The following RELL1 variants were observed in gnomAD, a reference collection of about 807,000 sequenced individuals.
RELL1 encodes RELT-like protein 1.
In RELL1, 10 loss-of-function variants were observed where a neutral mutation model predicts 23.0. The ratio of observed to expected loss-of-function variants is 0.43; its 90% CI spans 0.27 to 0.74. The LOEUF (loss-of-function observed/expected upper bound fraction) is 0.74. Among genes scored for constraint, RELL1 ranks in the 30% least tolerant of loss-of-function variants. The pLI, the probability that RELL1 is intolerant of heterozygous loss-of-function variation, is 0.19. For synonymous variants in RELL1, 146 were observed against 146.8 expected (o/e 0.99, Z 0.04); for missense variants, 315 against 364.4 (o/e 0.86, Z 1.10).
rs544148276 is a variant in RELL1, at chr4:37,620,550, T to C, written c.*4-7208A>G. Among the ~76,000 whole-genome samples, 7 of 152,362 alleles carry C rather than the reference T, an allele frequency of 4.6e-5. No homozygotes were observed. In the South Asian group the frequency reaches 1.4e-3, roughly 32 times the overall value. ...CAGTTCCCTACTAGTCTCAACACAC[T>C]TCTGATTTAATGTCTACACTAAGCT... On this transcript the variant is annotated intron_variant, in intron 6 of 6. Transcript: ENST00000454158.
In RELL1 at chr4:37,612,441, G is replaced by T. The variant is rs764582342; in HGVS notation, c.*905C>A. Among the ~76,000 whole-genome samples, 57 of 151,560 alleles carry T rather than the reference G, an allele frequency of 3.8e-4. No individual in the cohort carries two copies. The highest frequency in any genetic ancestry group is 6.0e-4 in the Non-Finnish European group (41 of 67,926). On this transcript the variant is annotated 3_prime_UTR_variant, in exon 7 of 7. Transcript: ENST00000454158. Reference sequence around the variant, plus strand: ...GCCTGAGGTCAGGAGTTCAAGACCAGCCTGACCAATATAGTGATACCCCGT... The same window carrying T: ...GCCTGAGGTCAGGAGTTCAAGACCATCCTGACCAATATAGTGATACCCCGT...
downstream of RELL1, among the ~76,000 whole-genome samples, chr4:37,589,578 A>G (rs1170511856): frequency 6.6e-6 from 1 of 151,832 alleles, no homozygotes; most frequent in East Asian, 1.9e-4. Flanking sequence ...ATTTTACTTC[A>G]CCCCTTACCC....
At chr4:37,600,956 T>G (rs1252624844) in intron 6 of RELL1, among the ~76,000 whole-genome samples, 1 of 152,234 alleles carries the variant, frequency 6.6e-6, no homozygotes, top group Non-Finnish European at 1.5e-5. Context: ...TAAATTGAGT[T>G]ACTTTTAAAC....
intron 6 of RELL1, 88 bp downstream of exon 6, chr4:37,631,297 T>C (rs1720119552): frequency 1.4e-6 from 2 of 1,419,664 alleles, no homozygotes; most frequent in South Asian, 1.4e-5. Flanking sequence ...ATACCATTCC[T>C]ATGCTGCCAC....
At position 37,672,536 on chromosome 4, in the gene RELL1, TG is replaced by T. The variant is rs1174851924; in HGVS notation, c.88+13663del. On this transcript the variant is annotated intron_variant, in intron 1 of 6. Transcript: ENST00000454158. ...AGATCAACCTTCTCAATCACAGGTTTGTGGCGGCAACAGATCAACTACCATA... is the reference window on the plus strand; with the variant it reads ...AGATCAACCTTCTCAATCACAGGTTTTGGCGGCAACAGATCAACTACCATA... Among the ~76,000 whole-genome samples the T allele has an allele frequency of 7.2e-5, 11 of 152,196 alleles. No homozygotes were observed. The East Asian group carries it at 2.1e-3, about 29-fold the overall frequency.
At chr4:37,618,309 T>C (rs1719642263) in intron 6 of RELL1, among the ~76,000 whole-genome samples, 1 of 152,052 alleles carries the variant, frequency 6.6e-6, no homozygotes, top group Non-Finnish European at 1.5e-5. Context: ...CTCCTGGGCT[T>C]AAGTCATGGA....
At chr4:37,636,466 G>A (rs1720334486) in intron 4 of RELL1, among the ~76,000 whole-genome samples, 1 of 151,878 alleles carries the variant, frequency 6.6e-6, no homozygotes, top group South Asian at 2.1e-4. Flanking sequence ...GTGGTGGCGG[G>A]CGCCTGTAGT....
chr4:37,657,851 G>A (rs1385252361), intron 1 of RELL1, among the ~76,000 whole-genome samples: 1 of 152,148 alleles, frequency 6.6e-6, no homozygotes, highest in Non-Finnish European at 1.5e-5. Flanking sequence ...GGTGGAGGCT[G>A]CAGTGGGCCA....
intron 1 of RELL1, among the ~76,000 whole-genome samples, chr4:37,677,491 G>A (rs1560361298): frequency 1.3e-5 from 2 of 152,118 alleles, no homozygotes; most frequent in Non-Finnish European, 2.9e-5. Flanking sequence ...CTCAGACCCT[G>A]GATAATCACA....
chr4:37,604,489 T>G (rs1719099546), intron 6 of RELL1, among the ~76,000 whole-genome samples: 1 of 152,100 alleles, frequency 6.6e-6, no homozygotes, highest in South Asian at 2.1e-4. Context: ...ATTGATCATC[T>G]TGTTTTCAAG....
downstream of RELL1, among the ~76,000 whole-genome samples, chr4:37,605,803 GAAAGAAAGAA>G (rs1363339108): frequency 1.2e-3 from 106 of 92,164 alleles, no homozygotes; most frequent in South Asian, 8.8e-3. Context: ...GAGAAAGAAA[GAAAGAAAGAA>G]AGAAAGAAAG....
intron 1 of RELL1, among the ~76,000 whole-genome samples, chr4:37,654,842 T>C (rs761029326): frequency 6.6e-6 from 1 of 152,258 alleles, no homozygotes; most frequent in East Asian, 1.9e-4. Flanking sequence ...AAACCTTACA[T>C]GCAATATGAT....
chr4:37,661,154 G>A (rs1282369750), intron 1 of RELL1, among the ~76,000 whole-genome samples: 2 of 152,152 alleles, frequency 1.3e-5, no homozygotes, highest in Admixed American at 6.5e-5. Flanking sequence ...CCTACTAGGT[G>A]TACTAGTCCA....
At chr4:37,590,385 T>C, downstream of RELL1, 1 of 1,613,822 alleles carries the variant, frequency 6.2e-7, no homozygotes, top group East Asian at 2.2e-5. Context: ...CACAGCCCAC[T>C]GGGAATTCCA....
chr4:37,599,755 C>T lies in RELL1; in HGVS notation c.*4-8538G>A, dbSNP rs193203459. ...CTGTCAATGGTATTTTTGCGGCAATCGTAAGACCATGAATTTCCTTTCCCT... is the reference window on the plus strand; with the variant it reads ...CTGTCAATGGTATTTTTGCGGCAATTGTAAGACCATGAATTTCCTTTCCCT... On this transcript the variant is annotated intron_variant, in intron 6 of 6. Coordinates refer to the RELL1 transcript ENST00000314117. 1.9e-3 allele frequency among the ~76,000 whole-genome samples: 291 copies of T among 152,048 alleles called. 3 individuals are homozygous for T. Among genetic ancestry groups the T allele is most frequent in the African/African-American group, 6.8e-3 (282 of 41,468 alleles).
chr4:37,651,400 G>A (rs970962639), intron 1 of RELL1, among the ~76,000 whole-genome samples: 2 of 152,188 alleles, frequency 1.3e-5, no homozygotes, highest in Admixed American at 1.3e-4. Flanking sequence ...TTCAGTATTT[G>A]GAATATCCTG....
At chr4:37,638,048 G>A (rs999624581) in intron 4 of RELL1, among the ~76,000 whole-genome samples, 1 of 152,142 alleles carries the variant, frequency 6.6e-6, no homozygotes, top group African/African-American at 2.4e-5. Context: ...GGTACAGGCA[G>A]GACTCAACCA....
chr4:37,591,499 A>G (rs1312307512), intron 6 of RELL1: 1 of 152,930 alleles, frequency 6.5e-6, no homozygotes, highest in Non-Finnish European at 1.5e-5. Flanking sequence ...GCATGGCTTA[A>G]CTTCAGGGAC....
intron 1 of RELL1, among the ~76,000 whole-genome samples, chr4:37,668,220 C>T (rs928301113): frequency 2.7e-5 from 4 of 149,018 alleles, no homozygotes; most frequent in Admixed American, 1.3e-4. Context: ...CCCTCCCCCT[C>T]CCCCTCTCCC....
Sources: gnomAD v4.1 joint callset for allele counts (sites outside exome capture counted in the v4.1 genomes callset) on GRCh38, gnomAD v4.1.1 for gene constraint, MANE v1.5 for transcripts, NCBI Gene and HGNC (gene_info 2026-07-23, HGNC 2026-07-21) for gene names.